FIGNL1: variants seen among roughly 807,000 people sequenced by gnomAD.
FIGNL1 encodes the protein fidgetin like 1.
Under a neutral mutation model 28.9 loss-of-function variants are expected in FIGNL1, and 11 were observed. The ratio of observed to expected loss-of-function variants is 0.38; its 90% confidence interval spans 0.24 to 0.63. FIGNL1 has a LOEUF of 0.63. Ranked by LOEUF, FIGNL1 falls within the 20% of genes least tolerant of loss-of-function variation. The pLI, the probability that FIGNL1 is intolerant of heterozygous loss-of-function variation, is 0.57. For missense variants in FIGNL1, 789 were observed against 810.4 expected, an observed-to-expected ratio of 0.97 and a Z score of 0.32; for synonymous variants, 295 against 276.5, an observed-to-expected ratio of 1.07 and a Z score of -0.66.
In FIGNL1 at chr7:50,446,129, T is replaced by C; in HGVS notation, c.1159A>G (p.Ile387Val). Reference protein sequence around the residue: ...KNLEPKMIELIMNEIMDHGPP... With the variant: ...KNLEPKMIELVMNEIMDHGPP... ...CCATGATCCATAATCTCATTCATAA[T>C]AAGTTCAATCATCTTTGGCTCCAAG... Residue 387 changes from isoleucine to valine, a missense_variant, in exon 4 of 4, where the codon ATT (isoleucine) becomes GTT (valine). Ile to Val is a conservative substitution (Grantham distance 29, BLOSUM62 3). Transcript: ENST00000433017. 2 of 1,614,240 alleles carry C rather than the reference T, an allele frequency of 1.2e-6. No homozygotes were observed. Among genetic ancestry groups the C allele is most frequent in the East Asian group, 2.2e-5 (1 of 44,892 alleles).
At chr7:50,448,158 G>A (rs1268398621) in intron 3 of FIGNL1, 23 bp downstream of exon 3, 1 of 152,282 alleles carries the variant, frequency 6.6e-6, no homozygotes, top group South Asian at 2.1e-4. Context: ...ACAAACCGAG[G>A]CTGAGAGACT....
At position 50,446,220 on chromosome 7, in the gene FIGNL1, C is replaced by T; in HGVS notation, c.1068G>A (p.Met356Ile). The T allele has an allele frequency of 6.2e-7, 1 of 1,614,172 alleles. No individual in the cohort carries two copies. Among genetic ancestry groups the T allele is most frequent in the Non-Finnish European group, 8.5e-7 (1 of 1,180,028 alleles). Residue 356 changes from methionine (M) to isoleucine (I), a missense_variant, in exon 4 of 4, where the codon ATG (methionine) becomes ATA (isoleucine). Transcript: ENST00000433017. The stretch of plus-strand genomic sequence containing the variant: ...GTCCTGCCCCATAAGGCTTACATTG[C>T]ATTCCTCCATTCTGCTCTCCCCCAT... Reference protein sequence around the residue: ...KQDGGEQNGGMQCKPYGAGPT... With the variant: ...KQDGGEQNGGIQCKPYGAGPT...
In FIGNL1 at chr7:50,445,125, A is replaced by T. The variant is rs866179438; in HGVS notation, c.*138T>A. On this transcript the variant is annotated 3_prime_UTR_variant, in exon 4 of 4. Coordinates refer to ENST00000433017, the MANE Select transcript of FIGNL1 (RefSeq NM_001287492.4). ...CATTAACATACACTATGTCAATCAG[A>T]TGTAAAATCTGTGCTATTATTTGAA... 5.6e-5 allele frequency: 30 copies of T among 538,150 alleles called. 1 individual carries two copies. The highest frequency in any genetic ancestry group is 9.4e-4 in the Middle Eastern group (2 of 2,128). 33.3% of individuals were successfully genotyped at this position (538,150 alleles called of 1,614,324 possible).
chr7:50,445,714 A>G lies in FIGNL1; in HGVS notation c.1574T>C (p.Leu525Ser), dbSNP rs369897372. Residue 525 changes from leucine (L) to serine (S), a missense_variant, in exon 4 of 4, where the codon TTA (leucine) becomes TCA (serine). Transcript: ENST00000433017. ...ESSRRIKTEFLVQLDGATTSS... is the reference protein window; with the variant it reads ...ESSRRIKTEFSVQLDGATTSS... The stretch of plus-strand genomic sequence containing the variant: ...TGTTGTTGCTCCATCTAATTGAACT[A>G]AAAATTCTGTTTTTATCCTTCTAGA... 1.2e-5 allele frequency: 20 copies of G among 1,614,052 alleles called. No individual in the cohort carries two copies. The highest frequency in any genetic ancestry group is 1.6e-5 in the Non-Finnish European group (19 of 1,180,032).
rs1053462449 is a variant in FIGNL1 at position 50,445,102 on chromosome 7, T to C, written c.*161A>G. On this transcript the variant is annotated 3_prime_UTR_variant, in exon 4 of 4. Coordinates refer to ENST00000433017, the MANE Select transcript of FIGNL1 (RefSeq NM_001287492.4). ...TAATCACTGGAAAGCAAAACTTACA[T>C]TAACATACACTATGTCAATCAGATG... The C allele has an allele frequency of 2.3e-6, 1 of 440,996 alleles. No individual in the cohort carries two copies. The highest frequency in any genetic ancestry group is 2.0e-5 in the African/African-American group (1 of 49,114). The allele number at this position is 440,996 out of a possible 1,614,324, so 27.3% of individuals were successfully genotyped here.
intron 2 of FIGNL1, chr7:50,448,505 C>T (rs565893776): frequency 1.3e-5 from 2 of 152,286 alleles, no homozygotes; most frequent in South Asian, 4.2e-4. Flanking sequence ...CTTTAGATTT[C>T]TTCTGTCAAG....
rs758277403 is a variant in FIGNL1 at position 50,447,185 on chromosome 7, G to A, written c.103C>T (p.Arg35Cys). Residue 35 changes from arginine to cysteine, a missense_variant, in exon 4 of 4, where the codon CGT becomes TGT. Arg to Cys is a radical substitution (Grantham distance 180). Coordinates refer to ENST00000433017, the MANE Select transcript of FIGNL1 (RefSeq NM_001287492.4). ...TACTGAATGCGTAATATCTGTGCAC[G>A]GTATGCATCTGCCTTCGGTCCGGTA... Reference protein sequence around the residue: ...ICTGPKADAYRAQILRIQYAW... With the variant: ...ICTGPKADAYCAQILRIQYAW... 8 of 1,614,132 alleles carry A rather than the reference G, an allele frequency of 5.0e-6. No individual in the cohort carries two copies. In the African/African-American group the frequency reaches 5.3e-5, roughly 11 times the overall value.
rs757460815 is a variant in FIGNL1 at position 50,446,455 on chromosome 7, C to G, written c.833G>C (p.Cys278Ser). 1.9e-5 allele frequency: 30 copies of G among 1,614,090 alleles called. 1 individual carries two copies. The South Asian group carries it at 3.1e-4, about 17-fold the overall frequency. The change falls in exon 4 of 4, where the codon TGT becomes TCT. Residue 278 changes from cysteine to serine, a missense_variant. By Grantham distance (112) the Cys-to-Ser change is moderately radical. Transcript: ENST00000433017. Reference protein sequence around the residue: ...ALSNPILNKACSKTEDNGPKE... With the variant: ...ALSNPILNKASSKTEDNGPKE... The stretch of plus-strand genomic sequence containing the variant: ...TGGGCCATTATCTTCTGTTTTACTA[C>G]AAGCCTTATTCAGTATTGGATTGGA...
chr7:50,445,354 T>G lies in FIGNL1; in HGVS notation c.1934A>C (p.Glu645Ala), dbSNP rs772367088. 1.1e-5 allele frequency: 18 copies of G among 1,614,114 alleles called. No homozygotes were observed. The highest frequency in any genetic ancestry group is 1.4e-5 in the Non-Finnish European group (17 of 1,180,000). Residue 645 changes from glutamate to alanine, a missense_variant, in exon 4 of 4, where the codon GAA becomes GCA. Glu to Ala is a moderately radical substitution (Grantham distance 107). Coordinates refer to ENST00000433017, the MANE Select transcript of FIGNL1 (RefSeq NM_001287492.4). ...QVRPIAYIDF[E>A]NAFRTVRPSV... ...AGGTCGCACAGTTCTAAAAGCATTTTCAAAATCAATGTAAGCTATGGGTCG... is the reference window on the plus strand; with the variant it reads ...AGGTCGCACAGTTCTAAAAGCATTTGCAAAATCAATGTAAGCTATGGGTCG...
Position 50,446,184 on chromosome 7 carries a change from T to C in FIGNL1, c.1104A>G (p.Pro368=), listed in dbSNP as rs1314259810. 1.2e-6 allele frequency: 2 copies of C among 1,614,116 alleles called. No homozygotes were observed. The highest frequency in any genetic ancestry group is 4.5e-5 in the East Asian group (2 of 44,902). Residue 368 remains proline (P), a synonymous_variant, in exon 4 of 4, where the codon CCA becomes CCG. Transcript: ENST00000433017. ...CKPYGAGPTE[P]AHPVDERLKN... is the part of the protein sequence containing the mutation. Reference sequence around the variant, plus strand: ...TCAGACGCTCATCAACTGGATGTGCTGGTTCTGTAGGTCCTGCCCCATAAG... The same window carrying C: ...TCAGACGCTCATCAACTGGATGTGCCGGTTCTGTAGGTCCTGCCCCATAAG...
chr7:50,446,120 C>T lies in FIGNL1; in HGVS notation c.1168G>A (p.Glu390Lys). 6.2e-7 allele frequency: 1 copy of T among 1,614,222 alleles called. No individual in the cohort carries two copies. Among genetic ancestry groups the T allele is most frequent in the South Asian group, 1.1e-5 (1 of 91,082 alleles). ...ACTGGAGGTCCATGATCCATAATCTCATTCATAATAAGTTCAATCATCTTT... is the reference window on the plus strand; with the variant it reads ...ACTGGAGGTCCATGATCCATAATCTTATTCATAATAAGTTCAATCATCTTT... ...EPKMIELIMN[E>K]IMDHGPPVNW... Residue 390 changes from glutamate to lysine, a missense_variant, in exon 4 of 4, where the codon GAG (glutamate) becomes AAG (lysine). Glu to Lys is a moderately conservative substitution (Grantham distance 56). Coordinates refer to ENST00000433017, the MANE Select transcript of FIGNL1 (RefSeq NM_001287492.4).
rs1253561130 is a variant in FIGNL1, at chr7:50,444,700, A to G, written c.*563T>C. 6.6e-6 allele frequency: 1 copy of G among 152,250 alleles called. No homozygotes were observed. Among genetic ancestry groups the G allele is most frequent in the Non-Finnish European group, 1.5e-5 (1 of 68,036 alleles). The allele number at this position is 152,250 out of a possible 1,614,324, so 9.4% of individuals were successfully genotyped here. ...CTTAATTAACCTTTCAGTTCTGTGA[A>G]TCTAATACTAGATCACACCTTGCTA... On this transcript the variant is annotated 3_prime_UTR_variant, in exon 4 of 4. Coordinates refer to ENST00000433017, the MANE Select transcript of FIGNL1 (RefSeq NM_001287492.4).
rs1383127402 is a variant in FIGNL1, at chr7:50,445,564, T to C, written c.1724A>G (p.Gln575Arg). ...TTTGGACATTAGATTAATTACTATCTGTTTCCTGGCTGAAGCTTCTGGGAG... is the reference window on the plus strand; with the variant it reads ...TTTGGACATTAGATTAATTACTATCCGTTTCCTGGCTGAAGCTTCTGGGAG... ...IPLPEASARKQIVINLMSKEQ... is the reference protein window; with the variant it reads ...IPLPEASARKRIVINLMSKEQ... The change falls in exon 4 of 4, where the codon CAG (glutamine) becomes CGG (arginine). Residue 575 changes from glutamine (Q) to arginine (R), a missense_variant. Transcript: ENST00000433017. 1 of 1,614,122 alleles carries C rather than the reference T, an allele frequency of 6.2e-7. No homozygotes were observed. Among genetic ancestry groups the C allele is most frequent in the Non-Finnish European group, 8.5e-7 (1 of 1,180,046 alleles).
At position 50,446,478 on chromosome 7, in the gene FIGNL1, G is replaced by A; in HGVS notation, c.810C>T (p.Ser270=). The change falls in exon 4 of 4, where the codon TCC becomes TCT. Residue 270 remains serine, a synonymous_variant. Transcript: ENST00000433017. ...FYGSGTIDAL[S]NPILNKACSK... is the part of the protein sequence containing the mutation. The stretch of plus-strand genomic sequence containing the variant: ...TACAAGCCTTATTCAGTATTGGATT[G>A]GAAAGTGCATCAATGGTGCCAGAAC... 6.2e-7 allele frequency: 1 copy of A among 1,614,164 alleles called. No individual in the cohort carries two copies. Among genetic ancestry groups the A allele is most frequent in the Non-Finnish European group, 8.5e-7 (1 of 1,180,038 alleles).
Position 50,445,809 on chromosome 7 carries a change from T to C in FIGNL1, c.1479A>G (p.Gln493=), listed in dbSNP as rs1162353001. Residue 493 remains glutamine (Q), a synonymous_variant, in exon 4 of 4, where the codon CAA becomes CAG. Coordinates refer to ENST00000433017, the MANE Select transcript of FIGNL1 (RefSeq NM_001287492.4). The part of the protein sequence containing the change: ...RALFAVARCQ[Q]PAVIFIDEID... ...TTTCGTCAATAAATATCACAGCTGG[T>C]TGCTGACACCTTGCAACAGCAAACA... is the stretch of plus-strand genomic sequence containing the variant. 1 of 1,614,218 alleles carries C rather than the reference T, an allele frequency of 6.2e-7. No homozygotes were observed. The highest frequency in any genetic ancestry group is 2.2e-5 in the East Asian group (1 of 44,890).
Position 50,446,174 on chromosome 7 carries a change from C to T in FIGNL1, c.1114G>A (p.Val372Ile). 4 of 1,614,206 alleles carry T rather than the reference C, an allele frequency of 2.5e-6. No individual in the cohort carries two copies. Among genetic ancestry groups the T allele is most frequent in the Non-Finnish European group, 3.4e-6 (4 of 1,180,032 alleles). The change falls in exon 4 of 4, where the codon GTT becomes ATT. Residue 372 changes from valine to isoleucine, a missense_variant. Physicochemically the swap from Val to Ile is conservative, Grantham distance 29. Transcript: ENST00000433017. ...TCCAAGTTCTTCAGACGCTCATCAA[C>T]TGGATGTGCTGGTTCTGTAGGTCCT... ...GAGPTEPAHP[V>I]DERLKNLEPK...
At position 50,446,466 on chromosome 7, in the gene FIGNL1, C is replaced by T. The variant is rs1335282920; in HGVS notation, c.822G>A (p.Leu274=). 3.1e-6 allele frequency: 5 copies of T among 1,614,038 alleles called. No individual in the cohort carries two copies. The highest frequency in any genetic ancestry group is 1.7e-5 in the Admixed American group (1 of 59,992). The change falls in exon 4 of 4, where the codon CTG becomes CTA. Residue 274 remains leucine (L), a synonymous_variant. Coordinates refer to ENST00000433017, the MANE Select transcript of FIGNL1 (RefSeq NM_001287492.4). The part of the protein sequence containing the change: ...GTIDALSNPI[L]NKACSKTEDN... ...CTTCTGTTTTACTACAAGCCTTATT[C>T]AGTATTGGATTGGAAAGTGCATCAA... is the stretch of plus-strand genomic sequence containing the variant.
Position 50,445,363 on chromosome 7 carries a change from A to G in FIGNL1, c.1925T>C (p.Ile642Thr), listed in dbSNP as rs776001209. 14 of 1,614,056 alleles carry G rather than the reference A, an allele frequency of 8.7e-6. 1 individual carries two copies. In the South Asian group the frequency reaches 1.3e-4, roughly 15 times the overall value. The stretch of plus-strand genomic sequence containing the variant: ...AGTTCTAAAAGCATTTTCAAAATCA[A>G]TGTAAGCTATGGGTCGAACTTGATC... ...TPDQVRPIAY[I>T]DFENAFRTVR... is the part of the protein sequence containing the mutation. The change falls in exon 4 of 4, where the codon ATT becomes ACT. Residue 642 changes from isoleucine (I) to threonine (T), a missense_variant. Coordinates refer to ENST00000433017, the MANE Select transcript of FIGNL1 (RefSeq NM_001287492.4).
chr7:50,446,211 C>T lies in FIGNL1; in HGVS notation c.1077G>A (p.Lys359=), dbSNP rs1429466669. ...GTTCTGTAGGTCCTGCCCCATAAGG[C>T]TTACATTGCATTCCTCCATTCTGCT... The part of the protein sequence containing the change: ...GGEQNGGMQC[K]PYGAGPTEPA... Residue 359 remains lysine (K), a synonymous_variant, in exon 4 of 4, where the codon AAG becomes AAA. Coordinates refer to ENST00000433017, the MANE Select transcript of FIGNL1 (RefSeq NM_001287492.4). 1.9e-6 allele frequency: 3 copies of T among 1,614,186 alleles called. No homozygotes were observed. Among genetic ancestry groups the T allele is most frequent in the Non-Finnish European group, 2.5e-6 (3 of 1,180,036 alleles).
Sources: gnomAD v4.1 joint callset for allele counts on GRCh38, gnomAD v4.1.1 for gene constraint, MANE v1.5 for transcripts, NCBI Gene and HGNC (gene_info 2026-07-23, HGNC 2026-07-21) for gene names.